The following MYO9B variants were observed in gnomAD, a reference collection of about 807,000 sequenced individuals.
MYO9B encodes unconventional myosin-IXb.
A neutral mutation model predicts 229.5 loss-of-function variants in MYO9B; 71 were observed. That is an observed-to-expected ratio of 0.31 (90% CI 0.26 to 0.38). The LOEUF (loss-of-function observed/expected upper bound fraction) is 0.38. Among genes scored for constraint, MYO9B ranks in the 10% least tolerant of loss-of-function variants. The pLI, the probability that MYO9B is intolerant of heterozygous loss-of-function variation, is 1.00. For missense variants in MYO9B, 2,255 were observed against 2,920.5 expected, an observed-to-expected ratio of 0.77 and a Z score of 5.25; for synonymous variants, 1,185 against 1,235.8, an observed-to-expected ratio of 0.96 and a Z score of 0.86.
intron 14 of MYO9B, 66 bp downstream of exon 14, chr19:17,175,807 T>A: frequency 2.7e-6 from 3 of 1,118,626 alleles, no homozygotes; most frequent in Non-Finnish European, 3.8e-6. Flanking sequence ...TTCAAACAAC[T>A]TAGGGAATGC....
chr19:17,194,352 G>A (rs2073017619), intron 21 of MYO9B, among the ~76,000 whole-genome samples: 1 of 152,128 alleles, frequency 6.6e-6, no homozygotes, highest in Non-Finnish European at 1.5e-5. Context: ...CAGGGCAGGG[G>A]TATCTGTGAC....
At chr19:17,158,684 T>C (rs1423822285) in intron 7 of MYO9B, among the ~76,000 whole-genome samples, 1 of 151,324 alleles carries the variant, frequency 6.6e-6, no homozygotes, top group Admixed American at 6.6e-5. Flanking sequence ...AGCTTGGCAG[T>C]GCGGGGAGGG....
At chr19:17,082,522 T>C (rs1419410007) in intron 1 of MYO9B, among the ~76,000 whole-genome samples, 1 of 151,986 alleles carries the variant, frequency 6.6e-6, no homozygotes, top group Non-Finnish European at 1.5e-5. Flanking sequence ...TGCATCCCAT[T>C]CCAGGGCAGA....
Position 17,213,106 on chromosome 19 carries a change from GGGT to G in MYO9B, c.*797_*799del, listed in dbSNP as rs2073249923. The G allele has an allele frequency of 2.6e-5, 4 of 152,260 alleles. No individual in the cohort carries two copies. Among genetic ancestry groups the G allele is most frequent in the Non-Finnish European group, 4.4e-5 (3 of 68,050 alleles). 9.4% of individuals were successfully genotyped at this position (152,260 alleles called of 1,614,324 possible). A position where few individuals can be genotyped will look rare whatever the true frequency, so the allele number is the denominator to read the frequency against. ...GAGCCAGCGACTCAGGACTGCTCAC[GGGT>G]CAGGAGGGCAACGCCTGAAGTCAGA... On this transcript the variant is annotated 3_prime_UTR_variant, in exon 40 of 40. Coordinates refer to ENST00000682292, the MANE Select transcript of MYO9B (RefSeq NM_004145.4).
rs2072544011 is a variant in MYO9B at position 17,156,958 on chromosome 19, A to G, written c.1249A>G (p.Lys417Glu). The change falls in exon 7 of 40, where the codon AAG (lysine) becomes GAG (glutamate). Residue 417 changes from lysine to glutamate, a missense_variant. This residue lies in a region of MYO9B where 220 missense variants were observed against 404.5 expected (regional missense o/e 0.54). Transcript: ENST00000682292. ...AILYLGNVTYKKRATGREEGL... is the reference protein window; with the variant it reads ...AILYLGNVTYEKRATGREEGL... ...CCTGTACCTGGGCAACGTCACTTATAAGAAGAGAGCTACAGGCCGAGAGGA... is the reference window on the plus strand; with the variant it reads ...CCTGTACCTGGGCAACGTCACTTATGAGAAGAGAGCTACAGGCCGAGAGGA... 3 of 1,613,740 alleles carry G rather than the reference A, an allele frequency of 1.9e-6. No homozygotes were observed. Among genetic ancestry groups the G allele is most frequent in the African/African-American group, 1.3e-5 (1 of 74,908 alleles).
At chr19:17,092,410 G>T (rs1270925704) in intron 1 of MYO9B, among the ~76,000 whole-genome samples, 2 of 152,232 alleles carry the variant, frequency 1.3e-5, no homozygotes, top group Non-Finnish European at 2.9e-5. Context: ...ACATGTGCAT[G>T]CAAGTGTTTT....
intron 1 of MYO9B, among the ~76,000 whole-genome samples, chr19:17,081,626 T>G (rs940353043): frequency 6.6e-6 from 1 of 151,662 alleles, no homozygotes; most frequent in African/African-American, 2.4e-5. Context: ...CTGGCCAACA[T>G]GATGAAACCC....
intron 3 of MYO9B, among the ~76,000 whole-genome samples, chr19:17,151,401 G>A (rs1474710120): frequency 6.6e-6 from 1 of 152,066 alleles, no homozygotes; most frequent in Non-Finnish European, 1.5e-5. Context: ...GACAAAATTG[G>A]AAAGGAATCC....
chr19:17,157,146 C>T, intron 7 of MYO9B, 108 bp downstream of exon 7: 1 of 1,323,458 alleles, frequency 7.6e-7, no homozygotes, highest in Non-Finnish European at 1.0e-6. Context: ...GAGGTTTCAT[C>T]AACCAGGACC....
intron 10 of MYO9B, among the ~76,000 whole-genome samples, chr19:17,164,671 C>T (rs147959985): frequency 2.6e-5 from 4 of 152,304 alleles, no homozygotes; most frequent in African/African-American, 9.6e-5. Flanking sequence ...CGTGAGCCAC[C>T]GCGCCTGGCC....
chr19:17,091,630 C>T (rs1329485701), intron 1 of MYO9B, among the ~76,000 whole-genome samples: 1 of 152,162 alleles, frequency 6.6e-6, no homozygotes, highest in Non-Finnish European at 1.5e-5. Flanking sequence ...AGGACAGGCC[C>T]ATGGTCCCAC....
intron 6 of MYO9B, among the ~76,000 whole-genome samples, chr19:17,156,218 G>C: frequency 6.6e-6 from 1 of 152,026 alleles, no homozygotes; most frequent in South Asian, 2.1e-4. Flanking sequence ...CTGGGGGCTA[G>C]TCAGAGGGAT....
chr19:17,158,070 G>A (rs1164453512), intron 7 of MYO9B, among the ~76,000 whole-genome samples: 1 of 152,190 alleles, frequency 6.6e-6, no homozygotes, highest in East Asian at 1.9e-4. Context: ...GGCCATGGAT[G>A]CTGCCCAACA....
intron 2 of MYO9B, among the ~76,000 whole-genome samples, chr19:17,136,197 G>C (rs544885233): frequency 4.6e-5 from 7 of 152,276 alleles, no homozygotes; most frequent in African/African-American, 1.7e-4. Context: ...GCTGGGCTTC[G>C]TGCTGTCAGG....
At chr19:17,177,888 T>G (rs1364292271) in intron 14 of MYO9B, 1 of 152,568 alleles carries the variant, frequency 6.6e-6, no homozygotes, top group East Asian at 1.9e-4. Context: ...AAGCAAGAAG[T>G]AAGTGCAGAA....
intron 35 of MYO9B, among the ~76,000 whole-genome samples, chr19:17,208,494 C>T (rs1186774891): frequency 2.0e-5 from 3 of 151,040 alleles, no homozygotes; most frequent in African/African-American, 7.3e-5. Flanking sequence ...TGCAGTGGCA[C>T]GATCTCGGCT....
Position 17,195,453 on chromosome 19 carries a change from G to A in MYO9B, c.4026G>A (p.Gly1342=), listed in dbSNP as rs1464800510. ...LDLSDRHRAT[G]AALTPTEERR... Reference sequence around the variant, plus strand: ...TCAGCGACAGACACCGGGCCACAGGGGCCGCCCTCACGCCCACAGAGTAAG... The same window carrying A: ...TCAGCGACAGACACCGGGCCACAGGAGCCGCCCTCACGCCCACAGAGTAAG... Residue 1342 remains glycine (G), a synonymous_variant, in exon 22 of 40, where the codon GGG becomes GGA. Coordinates refer to ENST00000682292, the MANE Select transcript of MYO9B (RefSeq NM_004145.4). The surrounding 1 kb of genome is among the most constrained non-coding windows in gnomAD (Gnocchi z 4.5). 1 of 1,601,502 alleles carries A rather than the reference G, an allele frequency of 6.2e-7. No homozygotes were observed. Among genetic ancestry groups the A allele is most frequent in the Non-Finnish European group, 8.5e-7 (1 of 1,177,848 alleles).
chr19:17,175,816 G>GCTA lies in MYO9B; in HGVS notation c.2219+77_2219+79dup. On this transcript the variant is annotated intron_variant, in intron 14 of 39. Transcript: ENST00000682292. ...CATTGTTTCAAACAACTTAGGGAAT[G>GCTA]CTACATTCTTTTTTTTTTTTTTTTT... The GCTA allele has an allele frequency of 3.2e-6, 3 of 929,960 alleles. No homozygotes were observed. In the South Asian group the frequency reaches 5.0e-5, roughly 16 times the overall value. 57.6% of individuals were successfully genotyped at this position (929,960 alleles called of 1,614,324 possible). A position where few individuals can be genotyped will look rare whatever the true frequency, so the allele number is the denominator to read the frequency against.
intron 1 of MYO9B, among the ~76,000 whole-genome samples, chr19:17,093,010 A>G (rs997290669): frequency 6.6e-6 from 1 of 152,212 alleles, no homozygotes; most frequent in Admixed American, 6.5e-5. Flanking sequence ...ATGCCAGTGC[A>G]CACACACATT....
Sources: allele counts gnomAD v4.1 joint callset (sites outside exome capture counted in the v4.1 genomes callset), GRCh38; gene constraint gnomAD v4.1.1; regional missense constraint gnomAD v4.1.1; non-coding constraint Gnocchi (gnomAD v3.1); transcripts MANE v1.5; gene names NCBI Gene and HGNC (gene_info 2026-07-23, HGNC 2026-07-21).